The following YY1AP1 variants were observed in gnomAD, a reference collection of about 807,000 sequenced individuals.
YY1AP1 encodes YY1 associated protein 1.
Under a neutral mutation model 39.9 loss-of-function variants are expected in YY1AP1, and 43 were observed. The ratio of observed to expected loss-of-function variants is 1.08; its 90% CI spans 0.84 to 1.39. YY1AP1 has a LOEUF of 1.39. Among genes scored for constraint, YY1AP1 ranks in the 40% most tolerant of loss-of-function variants. The pLI, the probability that YY1AP1 is intolerant of heterozygous loss-of-function variation, is 0.00. For missense variants in YY1AP1, 813 were observed against 900.7 expected (o/e 0.90, Z 1.25); for synonymous variants, 292 against 331.3 (o/e 0.88, Z 1.29).
chr1:155,672,288 G>C, intron 7 of YY1AP1: 2 of 522,158 alleles, frequency 3.8e-6, no homozygotes, highest in Non-Finnish European at 3.5e-6. Flanking sequence ...TATTGCTGTA[G>C]TCCAATTCTT....
chr1:155,686,484 T>G (rs1652372173), intron 2 of YY1AP1, among the ~76,000 whole-genome samples: 1 of 152,092 alleles, frequency 6.6e-6, no homozygotes, highest in Non-Finnish European at 1.5e-5. Flanking sequence ...CTCCCTCAAC[T>G]TAATACCTAC....
rs186213702 is a variant in YY1AP1, at chr1:155,666,354, C to T, written c.879+2273G>A. Among the ~76,000 whole-genome samples the T allele has an allele frequency of 3.2e-4, 49 of 152,266 alleles. 1 individual carries two copies. Among genetic ancestry groups the T allele is most frequent in the African/African-American group, 9.6e-4 (40 of 41,560 alleles). On this transcript the variant is annotated intron_variant, in intron 9 of 10. Transcript: ENST00000355499. ...GCCAGGATGGTCTCGATTTCCTGAC[C>T]TCGTTATCCACCTGCCTTGGCCTCC...
intron 4 of YY1AP1, among the ~76,000 whole-genome samples, chr1:155,678,863 G>A (rs1191589483): frequency 1.3e-5 from 2 of 152,154 alleles, no homozygotes; most frequent in Non-Finnish European, 2.9e-5. Context: ...AGAATAAAGT[G>A]CAGATGCAAA....
intron 4 of YY1AP1, among the ~76,000 whole-genome samples, chr1:155,678,360 A>T (rs1427664985): frequency 6.6e-6 from 1 of 152,232 alleles, no homozygotes; most frequent in Non-Finnish European, 1.5e-5. Flanking sequence ...GAATACCAGA[A>T]GGTAACTGGA....
intron 4 of YY1AP1, chr1:155,679,099 T>C: frequency 7.9e-7 from 1 of 1,273,668 alleles, no homozygotes; most frequent in East Asian, 4.4e-5. Flanking sequence ...TATTACAATA[T>C]AGGGTAGTTT....
rs76264478 is a variant in YY1AP1 at position 155,662,166 on chromosome 1, GA to G, written c.880-744del. ...GGTGTGAAGGGCATCAGAAGGGAAG[GA>G]AAAAAAAAAAGACCGAGGCAGTTCA... On this transcript the variant is annotated intron_variant, in intron 9 of 10. Transcript: ENST00000355499. Among the ~76,000 whole-genome samples, 771 of 137,656 alleles carry G rather than the reference GA, an allele frequency of 5.6e-3. 4 individuals carry two copies. The highest frequency in any genetic ancestry group is 0.017 in the African/African-American group (570 of 33,444). 90.3% of individuals were successfully genotyped at this position (137,656 alleles called of 152,430 possible). A position where few individuals can be genotyped will look rare whatever the true frequency, so the allele number is the denominator to read the frequency against.
rs113283296 is a variant in YY1AP1, at chr1:155,667,653, G to A, written c.879+974C>T. The stretch of plus-strand genomic sequence containing the variant: ...AGCCTGGCCAACATGGTGAAACCCC[G>A]ACTCTACTAAATACAAAAATCAGCT... On this transcript the variant is annotated intron_variant, in intron 9 of 10. Transcript: ENST00000355499. 7.2e-3 allele frequency among the ~76,000 whole-genome samples: 1,079 copies of A among 150,302 alleles called. 5 individuals carry two copies. The highest frequency in any genetic ancestry group is 0.012 in the Non-Finnish European group (787 of 67,372).
Position 155,688,104 on chromosome 1 carries a change from G to T in YY1AP1, c.-54C>A, listed in dbSNP as rs149875937. 4.3e-5 allele frequency: 69 copies of T among 1,609,110 alleles called. No homozygotes were observed. The highest frequency in any genetic ancestry group is 5.2e-5 in the Non-Finnish European group (61 of 1,177,012). On this transcript the variant is annotated 5_prime_UTR_variant, in exon 2 of 11. Transcript: ENST00000355499. ...AGGCCGAGAGCGATGAGAGTACAGG[G>T]AAGTGAGGAAGAGGGGGTGGCCGCC...
Position 155,672,672 on chromosome 1 carries a change from C to T in YY1AP1, c.471G>A (p.Lys157=). 6.2e-7 allele frequency: 1 copy of T among 1,614,122 alleles called. No homozygotes were observed. The highest frequency in any genetic ancestry group is 8.5e-7 in the Non-Finnish European group (1 of 1,180,012). Residue 157 remains lysine (K), a synonymous_variant, in exon 7 of 11, where the codon AAG becomes AAA. Transcript: ENST00000355499. ...TACAGGGTTGGAACAGGGTCTGAAA[C>T]TTGGGGTTGTACTGATGGTGAAGGG... ...SIALHHQYNP[K]FQTLFQPCNL...
Position 155,668,622 on chromosome 1 carries a change from C to G in YY1AP1, c.879+5G>C. On this transcript the variant is annotated splice_donor_5th_base_variant and intron_variant, in intron 9 of 10. Transcript: ENST00000355499. The stretch of plus-strand genomic sequence containing the variant: ...GCCTGGATAGTGCATGCAGGAAACA[C>G]TCACTTTAATGATGTTGTCAGGAGC... 1.2e-6 allele frequency: 2 copies of G among 1,614,112 alleles called. No individual in the cohort carries two copies. Among genetic ancestry groups the G allele is most frequent in the Non-Finnish European group, 1.7e-6 (2 of 1,180,000 alleles).
In YY1AP1 at chr1:155,659,526, G is replaced by C. The variant is rs1436242537; in HGVS notation, c.*131C>G. The C allele has an allele frequency of 1.1e-6, 1 of 891,244 alleles. No individual in the cohort carries two copies. The highest frequency in any genetic ancestry group is 1.7e-6 in the Non-Finnish European group (1 of 572,398). 55.2% of individuals were successfully genotyped at this position (891,244 alleles called of 1,614,324 possible). A position where few individuals can be genotyped will look rare whatever the true frequency, so the allele number is the denominator to read the frequency against. The stretch of plus-strand genomic sequence containing the variant: ...GAGTGGGAGCAGGCTAAAGCAAGCT[G>C]CTCAAGAGCCCCAGTTGCAAAATCT... On this transcript the variant is annotated 3_prime_UTR_variant, in exon 11 of 11. Transcript: ENST00000355499.
chr1:155,660,745 C>T lies in YY1AP1; in HGVS notation c.1165G>A (p.Val389Ile). ...TCGGCAACTGGCTTCAGTTTCAGGA[C>T]TACACCCTTAGGCAATAGCAGTGGG... ...RYPLLLPKGV[V>I]LKLKPVADRF... is the part of the protein sequence containing the mutation. The change falls in exon 11 of 11, where the codon GTC (valine) becomes ATC (isoleucine). Residue 389 changes from valine to isoleucine, a missense_variant. Transcript: ENST00000355499. 1 of 1,614,232 alleles carries T rather than the reference C, an allele frequency of 6.2e-7. No individual in the cohort carries two copies.
At position 155,688,640 on chromosome 1, in the gene YY1AP1, C is replaced by A. The variant is rs1482897287; in HGVS notation, c.-152+19G>T. 2.0e-6 allele frequency: 3 copies of A among 1,534,356 alleles called. No homozygotes were observed. In the African/African-American group the frequency reaches 4.1e-5, roughly 21 times the overall value. ...TCAGACCCTGTCAAGCCGGCTCCAGCGCAGGCCCTCACGCGTACCTTCAGC... is the reference window on the plus strand; with the variant it reads ...TCAGACCCTGTCAAGCCGGCTCCAGAGCAGGCCCTCACGCGTACCTTCAGC... On this transcript the variant is annotated intron_variant, in intron 1 of 10. Coordinates refer to ENST00000355499, the MANE Select transcript of YY1AP1 (RefSeq NM_139119.3).
At position 155,680,555 on chromosome 1, in the gene YY1AP1, G is replaced by A. The variant is rs1042565866; in HGVS notation, c.-20-99C>T. The A allele has an allele frequency of 4.1e-4, 432 of 1,058,544 alleles. 1 individual carries two copies. The highest frequency in any genetic ancestry group is 5.1e-4 in the Non-Finnish European group (352 of 689,750). 65.6% of individuals were successfully genotyped at this position (1,058,544 alleles called of 1,614,324 possible). On this transcript the variant is annotated intron_variant, in intron 2 of 10. Coordinates refer to ENST00000355499, the MANE Select transcript of YY1AP1 (RefSeq NM_139119.3). Reference sequence around the variant, plus strand: ...GTATGATGTTTTCAACAAGGCATCTGACGAATTCTTCATATCTATCCTTAT... The same window carrying A: ...GTATGATGTTTTCAACAAGGCATCTAACGAATTCTTCATATCTATCCTTAT...
chr1:155,688,987 C>G (rs771702169), upstream of YY1AP1: 1 of 1,602,790 alleles, frequency 6.2e-7, no homozygotes, highest in Non-Finnish European at 8.5e-7. Flanking sequence ...GGGACCGCGG[C>G]GAGGGGATCG....
At position 155,672,706 on chromosome 1, in the gene YY1AP1, C is replaced by T. The variant is rs1301914295; in HGVS notation, c.437G>A (p.Ser146Asn). 2 of 1,614,042 alleles carry T rather than the reference C, an allele frequency of 1.2e-6. No individual in the cohort carries two copies. The highest frequency in any genetic ancestry group is 1.3e-5 in the African/African-American group (1 of 74,902). ...CLKELGTFAQ[S>N]SIALHHQYNP... ...GTACTGATGGTGAAGGGCGATGGAG[C>T]TTTGAGCAAAGGTTCCCAGCTCTTT... The change falls in exon 7 of 11, where the codon AGC becomes AAC. Residue 146 changes from serine (S) to asparagine (N), a missense_variant. Around this residue, in one of 3 missense-constraint regions of YY1AP1, gnomAD observed 196 missense variants for 189.7 expected, o/e 1.03. Coordinates refer to ENST00000355499, the MANE Select transcript of YY1AP1 (RefSeq NM_139119.3).
chr1:155,688,341 A>G, intron 1 of YY1AP1, 140 bp from the exon 2 acceptor site: 2 of 1,549,838 alleles, frequency 1.3e-6, no homozygotes, highest in Non-Finnish European at 8.7e-7. Flanking sequence ...CGGCGGCAGC[A>G]GAGTGGCCGC....
chr1:155,678,764 G>C (rs752485021), intron 4 of YY1AP1, among the ~76,000 whole-genome samples: 3 of 152,144 alleles, frequency 2.0e-5, no homozygotes, highest in Non-Finnish European at 2.9e-5. Flanking sequence ...ACTAATTACA[G>C]GGACTATTCT....
At position 155,688,191 on chromosome 1, in the gene YY1AP1, G is replaced by C. The variant is rs188043733; in HGVS notation, c.-141C>G. 11 of 1,613,866 alleles carry C rather than the reference G, an allele frequency of 6.8e-6. No homozygotes were observed. Among genetic ancestry groups the C allele is most frequent in the Admixed American group, 1.7e-5 (1 of 60,008 alleles). On this transcript the variant is annotated 5_prime_UTR_variant, in exon 2 of 11. Transcript: ENST00000355499. ...TCCCGCTTGTCAGGAGGCGGCCAGC[G>C]GGTAAGCCGACTGGCGGAAATGCGA...
Sources: gnomAD v4.1 joint callset for allele counts (sites outside exome capture counted in the v4.1 genomes callset) on GRCh38, gnomAD v4.1.1 for gene constraint, gnomAD v4.1.1 regional missense constraint, MANE v1.5 for transcripts, NCBI Gene and HGNC (gene_info 2026-07-23, HGNC 2026-07-21) for gene names.